Variants in MAP2K5 observed in about 807,000 individuals in gnomAD.
The protein encoded by MAP2K5 is dual specificity mitogen-activated protein kinase kinase 5.
A neutral mutation model predicts 83.1 loss-of-function variants in MAP2K5; 49 were observed. That is an observed-to-expected ratio of 0.59 (90% confidence interval 0.47 to 0.75). The LOEUF is 0.75. Ranked by LOEUF, MAP2K5 falls within the 30% of genes least tolerant of loss-of-function variation. The pLI, the probability that MAP2K5 is intolerant of heterozygous loss-of-function variation, is 0.00. For missense variants in MAP2K5, 457 were observed against 557.5 expected, an observed-to-expected ratio of 0.82 and a Z score of 1.82; for synonymous variants, 202 against 191.8, an observed-to-expected ratio of 1.05 and a Z score of -0.44.
At position 67,722,064 on chromosome 15, in the gene MAP2K5, C is replaced by T. The variant is rs953492647; in HGVS notation, c.1045-5852C>T. On this transcript the variant is annotated intron_variant, in intron 16 of 21. Coordinates refer to ENST00000178640, the MANE Select transcript of MAP2K5 (RefSeq NM_145160.3). This position sits in a 1 kb window ranked among gnomAD's most constrained non-coding sequence, Gnocchi z 4.2. ...GTGAGTACTGATAATGTGGAGGGTCCCAAAGGTTATTAGGGCATGTTTCTG... is the reference window on the plus strand; with the variant it reads ...GTGAGTACTGATAATGTGGAGGGTCTCAAAGGTTATTAGGGCATGTTTCTG... 6.6e-6 allele frequency among the ~76,000 whole-genome samples: 1 copy of T among 151,724 alleles called. No homozygotes were observed. The highest frequency in any genetic ancestry group is 1.5e-5 in the Non-Finnish European group (1 of 67,922).
At position 67,747,456 on chromosome 15, in the gene MAP2K5, T is replaced by C. The variant is rs559885527; in HGVS notation, c.1075-775T>C. Among the ~76,000 whole-genome samples, 1 of 152,354 alleles carries C rather than the reference T, an allele frequency of 6.6e-6. No homozygotes were observed. The highest frequency in any genetic ancestry group is 2.1e-4 in the South Asian group (1 of 4,828). ...CTGGATGGGGAGGCACTGAAGTGTT[T>C]AGTACTTTAATGACTAAGTGGATGT... On this transcript the variant is annotated intron_variant, in intron 17 of 21. Transcript: ENST00000178640. This position sits in a 1 kb window ranked among gnomAD's most constrained non-coding sequence, Gnocchi z 4.1.
At chr15:67,656,657 T>C (rs1214936603) in intron 11 of MAP2K5, among the ~76,000 whole-genome samples, 1 of 152,048 alleles carries the variant, frequency 6.6e-6, no homozygotes, top group African/African-American at 2.4e-5. Context: ...TTCTGAAACT[T>C]CAAAGGTTCA....
intron 14 of MAP2K5, 112 bp from the exon 15 acceptor site, chr15:67,693,406 T>A: frequency 1.2e-6 from 1 of 814,582 alleles, no homozygotes; most frequent in East Asian, 2.5e-5. Flanking sequence ...CCCTTTTACA[T>A]AATTTTTAGT....
Position 67,763,361 on chromosome 15 carries a change from G to A in MAP2K5, c.1135-6241G>A, listed in dbSNP as rs113357246. 1.8e-3 allele frequency among the ~76,000 whole-genome samples: 279 copies of A among 152,190 alleles called. 1 individual carries two copies. Among genetic ancestry groups the A allele is most frequent in the South Asian group, 6.9e-3 (33 of 4,806 alleles). On this transcript the variant is annotated intron_variant, in intron 19 of 21. Coordinates refer to ENST00000178640, the MANE Select transcript of MAP2K5 (RefSeq NM_145160.3). ...TTGTACAAATCTGCTATGTAGTTAT[G>A]GCTACTCACACTCTAAACGAGACTC...
In MAP2K5 at chr15:67,769,762, T is replaced by TCCAAAA; in HGVS notation, c.1196+99_1196+100insCCAAAA. 1.6e-6 allele frequency: 2 copies of TCCAAAA among 1,229,894 alleles called. No individual in the cohort carries two copies. The highest frequency in any genetic ancestry group is 2.4e-6 in the Non-Finnish European group (2 of 846,160). The allele number at this position is 1,229,894 out of a possible 1,614,324, so 76.2% of individuals were successfully genotyped here. On this transcript the variant is annotated intron_variant, in intron 20 of 21. Transcript: ENST00000178640. The surrounding 1 kb of genome is among the most constrained non-coding windows in gnomAD (Gnocchi z 5.2). ...CCTTATGGCTCTCCCTGCATCCTTTTGGAGACAGGAGGGACTTCGGGGCCT... is the reference window on the plus strand; with the variant it reads ...CCTTATGGCTCTCCCTGCATCCTTTTCCAAAAGGAGACAGGAGGGACTTCGGGGCCT...
chr15:67,744,851 A>G (rs569291426), intron 17 of MAP2K5, among the ~76,000 whole-genome samples: 3 of 152,326 alleles, frequency 2.0e-5, no homozygotes, highest in East Asian at 1.9e-4. Flanking sequence ...TGGTCCTTGT[A>G]AGGAAATATA....
chr15:67,576,961 C>CTCTG (rs1407685144), intron 3 of MAP2K5, among the ~76,000 whole-genome samples: 15 of 138,710 alleles, frequency 1.1e-4, no homozygotes, highest in Admixed American at 1.1e-3. Flanking sequence ...CGGAGTCTCG[C>CTCTG]TCTGTCGCCC....
chr15:67,707,618 C>T (rs936791349), intron 16 of MAP2K5, among the ~76,000 whole-genome samples: 2 of 152,146 alleles, frequency 1.3e-5, no homozygotes, highest in African/African-American at 4.8e-5. Flanking sequence ...AAGAAAGATA[C>T]CCAAAGCCCA....
At chr15:67,612,233 A>T (rs1596648510) in intron 8 of MAP2K5, among the ~76,000 whole-genome samples, 1 of 152,040 alleles carries the variant, frequency 6.6e-6, no homozygotes, top group Non-Finnish European at 1.5e-5. Context: ...CCTATCTATC[A>T]TATTTTAAGA....
rs1425959776 is a variant in MAP2K5, at chr15:67,543,869, A to G, written c.135+399A>G. Among the ~76,000 whole-genome samples the G allele has an allele frequency of 1.3e-5, 2 of 152,210 alleles. No homozygotes were observed. The highest frequency in any genetic ancestry group is 2.9e-5 in the Non-Finnish European group (2 of 68,026). ...TCTGAACTTGGTGACCAGCTGAGAAAGGGAAAAAGGACAACTTTAACTTAC... is the reference window on the plus strand; with the variant it reads ...TCTGAACTTGGTGACCAGCTGAGAAGGGGAAAAAGGACAACTTTAACTTAC... On this transcript the variant is annotated intron_variant, in intron 1 of 21. Coordinates refer to ENST00000178640, the MANE Select transcript of MAP2K5 (RefSeq NM_145160.3). This position sits in a 1 kb window ranked among gnomAD's most constrained non-coding sequence, Gnocchi z 4.3.
chr15:67,703,409 G>A lies in MAP2K5; in HGVS notation c.1044+1G>A. 6.2e-7 allele frequency: 1 copy of A among 1,612,022 alleles called. No individual in the cohort carries two copies. On this transcript the variant is annotated splice_donor_variant, in intron 16 of 21. Transcript: ENST00000178640. LOFTEE classifies it high-confidence loss of function. ...GAGCTTAGGAATCTCTTTTATGGAG[G>A]TACGTTGTTTGCACATAGACGCTTC...
Position 67,755,151 on chromosome 15 carries a change from G to A in MAP2K5, c.1134+6550G>A, listed in dbSNP as rs563469579. Among the ~76,000 whole-genome samples, 2 of 151,950 alleles carry A rather than the reference G, an allele frequency of 1.3e-5. No individual in the cohort carries two copies. Among genetic ancestry groups the A allele is most frequent in the Admixed American group, 6.6e-5 (1 of 15,256 alleles). ...CACCACGCCCAGCTAATTTTTTTGT[G>A]TGTTTTTAGTAGAGATGGGGTTTCA... is the stretch of plus-strand genomic sequence containing the variant. On this transcript the variant is annotated intron_variant, in intron 19 of 21. Transcript: ENST00000178640. This position sits in a 1 kb window ranked among gnomAD's most constrained non-coding sequence, Gnocchi z 4.7.
intron 3 of MAP2K5, among the ~76,000 whole-genome samples, chr15:67,569,032 A>C (rs1021795800): frequency 2.0e-5 from 3 of 151,108 alleles, no homozygotes; most frequent in Admixed American, 6.6e-5. Context: ...AAAAAAAAAA[A>C]CAAAACTCTG....
intron 8 of MAP2K5, among the ~76,000 whole-genome samples, chr15:67,604,934 C>A (rs1422382540): frequency 6.6e-6 from 1 of 151,816 alleles, no homozygotes; most frequent in Non-Finnish European, 1.5e-5. Flanking sequence ...TGAGAAGATC[C>A]GTAAAAGGCT....
At chr15:67,728,668 C>G (rs1225202470) in intron 17 of MAP2K5, among the ~76,000 whole-genome samples, 1 of 152,192 alleles carries the variant, frequency 6.6e-6, no homozygotes, top group African/African-American at 2.4e-5. Context: ...TTTCTGGCAT[C>G]TTGGTCTGTA....
intron 11 of MAP2K5, among the ~76,000 whole-genome samples, chr15:67,654,460 A>G (rs552569943): frequency 2.0e-5 from 3 of 151,980 alleles, no homozygotes; most frequent in Non-Finnish European, 4.4e-5. Context: ...ATATAGTTGG[A>G]TCATTTTTTT....
intron 20 of MAP2K5, among the ~76,000 whole-genome samples, chr15:67,772,418 T>G (rs911032911): frequency 6.6e-6 from 1 of 152,184 alleles, no homozygotes; most frequent in African/African-American, 2.4e-5. Flanking sequence ...AAAGTAGAAT[T>G]AGGATACATT....
chr15:67,628,612 G>T, intron 8 of MAP2K5: 1 of 1,261,830 alleles, frequency 7.9e-7, no homozygotes, highest in Non-Finnish European at 1.1e-6. Context: ...AAGGGGCTTT[G>T]CCTTTATAAC....
At chr15:67,639,310 C>T (rs1038713459) in intron 9 of MAP2K5, among the ~76,000 whole-genome samples, 1 of 152,144 alleles carries the variant, frequency 6.6e-6, no homozygotes, top group Non-Finnish European at 1.5e-5. Flanking sequence ...ACATGTATAC[C>T]AGCTTTTGAA....
Sources: allele counts gnomAD v4.1 joint callset (sites outside exome capture counted in the v4.1 genomes callset), GRCh38; gene constraint gnomAD v4.1.1; non-coding constraint Gnocchi (gnomAD v3.1); transcripts MANE v1.5; gene names NCBI Gene and HGNC (gene_info 2026-07-23, HGNC 2026-07-21).